The following TMEM132D variants were observed in gnomAD, a reference collection of about 807,000 sequenced individuals.
The protein encoded by TMEM132D is transmembrane protein 132D.
Under a neutral mutation model 62.3 loss-of-function variants are expected in TMEM132D, and 21 were observed. The ratio of observed to expected loss-of-function variants is 0.34; its 90% confidence interval spans 0.24 to 0.49. The LOEUF is 0.49. TMEM132D is among the 20% of genes least tolerant of loss of function. The pLI is 0.99. For synonymous variants in TMEM132D, 621 were observed against 575.6 expected, an observed-to-expected ratio of 1.08 and a Z score of -1.13; for missense variants, 1,346 against 1,402.8, an observed-to-expected ratio of 0.96 and a Z score of 0.65.
At chr12:129,457,308 G>T (rs946518779) in intron 3 of TMEM132D, among the ~76,000 whole-genome samples, 1 of 151,260 alleles carries the variant, frequency 6.6e-6, no homozygotes, top group African/African-American at 2.4e-5. Context: ...GATGAAGCTG[G>T]AAACCATCAT....
chr12:129,171,812 G>C (rs554257846), intron 5 of TMEM132D, among the ~76,000 whole-genome samples: 1 of 152,218 alleles, frequency 6.6e-6, no homozygotes, highest in Non-Finnish European at 1.5e-5. Context: ...CAGATACGCT[G>C]CGATACAGGC....
At chr12:129,495,775 G>T (rs1417283013) in intron 3 of TMEM132D, among the ~76,000 whole-genome samples, 3 of 152,114 alleles carry the variant, frequency 2.0e-5, no homozygotes, top group Admixed American at 1.3e-4. Flanking sequence ...ACAGTGTTTC[G>T]TGGGGATGTC....
intron 5 of TMEM132D, among the ~76,000 whole-genome samples, chr12:129,192,588 A>C (rs1878435651): frequency 6.6e-6 from 1 of 152,196 alleles, no homozygotes; most frequent in East Asian, 1.9e-4. Flanking sequence ...ATAATCTCAA[A>C]TTTAGGGTTG....
chr12:129,473,192 C>T (rs1448680245), intron 3 of TMEM132D, among the ~76,000 whole-genome samples: 1 of 151,988 alleles, frequency 6.6e-6, no homozygotes, highest in Non-Finnish European at 1.5e-5. Context: ...CACAGTCAGC[C>T]TAACCTTCAG....
intron 1 of TMEM132D, among the ~76,000 whole-genome samples, chr12:129,760,481 G>A (rs1286201016): frequency 1.1e-4 from 17 of 151,460 alleles, no homozygotes; most frequent in Non-Finnish European, 2.2e-4. Context: ...ACAGGCCCCC[G>A]CCTCCACTAC....
At chr12:129,464,033 C>T (rs1222330487) in intron 3 of TMEM132D, among the ~76,000 whole-genome samples, 1 of 150,714 alleles carries the variant, frequency 6.6e-6, no homozygotes, top group Non-Finnish European at 1.5e-5. Context: ...AGTTCTAGAT[C>T]CTTGAGGAAT....
At chr12:129,879,156 GT>G (rs1874519757) in intron 1 of TMEM132D, among the ~76,000 whole-genome samples, 1 of 152,204 alleles carries the variant, frequency 6.6e-6, no homozygotes, top group Non-Finnish European at 1.5e-5. Flanking sequence ...GGAAATAAAT[GT>G]CATAAAATCA....
chr12:129,523,099 T>C (rs1366015643), intron 3 of TMEM132D, among the ~76,000 whole-genome samples: 2 of 138,772 alleles, frequency 1.4e-5, no homozygotes, highest in East Asian at 4.1e-4. Context: ...CATGTGTGCA[T>C]ACACACGCAC....
intron 3 of TMEM132D, among the ~76,000 whole-genome samples, chr12:129,430,551 C>T (rs1872627070): frequency 6.6e-6 from 1 of 152,200 alleles, no homozygotes; most frequent in East Asian, 1.9e-4. Flanking sequence ...GATACTCCTG[C>T]CTGGAACTCC....
At chr12:129,699,247 A>G (rs1881312442) in intron 2 of TMEM132D, among the ~76,000 whole-genome samples, 1 of 152,198 alleles carries the variant, frequency 6.6e-6, no homozygotes, top group Non-Finnish European at 1.5e-5. Context: ...AAGAAACTCA[A>G]CAAATTCTAC....
chr12:129,184,957 A>G (rs971471899), intron 5 of TMEM132D, among the ~76,000 whole-genome samples: 1 of 152,224 alleles, frequency 6.6e-6, no homozygotes, highest in African/African-American at 2.4e-5. Flanking sequence ...TCACATGAGA[A>G]GAGAAGGAAC....
intron 5 of TMEM132D, among the ~76,000 whole-genome samples, chr12:129,137,890 G>T (rs1593273534): frequency 6.7e-6 from 1 of 149,996 alleles, no homozygotes; most frequent in Non-Finnish European, 1.5e-5. Context: ...CAAATAAGAG[G>T]TTTTTTTTTT....
At chr12:129,516,876 T>C (rs987180268) in intron 3 of TMEM132D, among the ~76,000 whole-genome samples, 8 of 152,194 alleles carry the variant, frequency 5.3e-5, no homozygotes, top group African/African-American at 1.9e-4. Context: ...GAGAATCCAT[T>C]GCCTTGCTTT....
chr12:129,638,516 T>TATAAAC (rs1272295608), intron 2 of TMEM132D, among the ~76,000 whole-genome samples: 2 of 45,388 alleles, frequency 4.4e-5, no homozygotes, highest in African/African-American at 1.5e-4. Context: ...TATATAAATA[T>TATAAAC]ATATAAATAT....
intron 2 of TMEM132D, among the ~76,000 whole-genome samples, chr12:129,689,571 T>C (rs948471894): frequency 6.6e-6 from 1 of 152,196 alleles, no homozygotes; most frequent in Non-Finnish European, 1.5e-5. Context: ...CACTCCCTCT[T>C]ACATCTGAAC....
intron 1 of TMEM132D, among the ~76,000 whole-genome samples, chr12:129,788,709 C>T (rs559901488): frequency 6.6e-6 from 1 of 152,224 alleles, no homozygotes; most frequent in African/African-American, 2.4e-5. Flanking sequence ...TCGTGCCAGA[C>T]ACTATACCAG....
intron 2 of TMEM132D, among the ~76,000 whole-genome samples, chr12:129,535,773 T>TGC (rs748710605): frequency 1.2e-5 from 1 of 86,944 alleles, no homozygotes; most frequent in Non-Finnish European, 2.2e-5. Flanking sequence ...TTAAGATTTG[T>TGC]GTGCGTGTGT....
At chr12:129,459,349 T>A (rs572776919) in intron 3 of TMEM132D, among the ~76,000 whole-genome samples, 2 of 152,216 alleles carry the variant, frequency 1.3e-5, no homozygotes, top group Non-Finnish European at 2.9e-5. Flanking sequence ...CAATGAGTCA[T>A]GCAAATTCAG....
intron 2 of TMEM132D, among the ~76,000 whole-genome samples, chr12:129,565,917 TG>T (rs1223841853): frequency 6.6e-6 from 1 of 152,234 alleles, no homozygotes; most frequent in East Asian, 1.9e-4. Flanking sequence ...CACTTAGGGA[TG>T]TCCTTGAAGA....
Sources: gnomAD v4.1 joint callset for allele counts (sites outside exome capture counted in the v4.1 genomes callset) on GRCh38, gnomAD v4.1.1 for gene constraint, MANE v1.5 for transcripts, NCBI Gene and HGNC (gene_info 2026-07-23, HGNC 2026-07-21) for gene names.